AKAP13: variants seen among roughly 807,000 people sequenced by gnomAD.
The protein encoded by AKAP13 is A-kinase anchor protein 13.
AKAP13 carries 80 observed loss-of-function variants against 264.5 expected under a neutral mutation model. The ratio of observed to expected loss-of-function variants is 0.30; its 90% CI spans 0.25 to 0.36. AKAP13 has a LOEUF of 0.36. Ranked by LOEUF, AKAP13 falls within the 10% of genes least tolerant of loss-of-function variation. The pLI is 1.00. For missense variants in AKAP13, 3,712 were observed against 3,435.2 expected, an observed-to-expected ratio of 1.08 and a Z score of -2.01; for synonymous variants, 1,380 against 1,250.2, an observed-to-expected ratio of 1.10 and a Z score of -2.19.
At chr15:85,495,211 G>A (rs961255359) in intron 2 of AKAP13, among the ~76,000 whole-genome samples, 2 of 152,130 alleles carry the variant, frequency 1.3e-5, no homozygotes, top group Non-Finnish European at 2.9e-5. Context: ...GAACAGTAAG[G>A]CTTTCTCTTG....
intron 1 of AKAP13, among the ~76,000 whole-genome samples, chr15:85,450,885 G>A (rs374756939): frequency 3.7e-4 from 56 of 152,142 alleles, no homozygotes; most frequent in Non-Finnish European, 7.1e-4. Context: ...TTGGTTCAAC[G>A]CTAAGTTTAG....
intron 10 of AKAP13, among the ~76,000 whole-genome samples, chr15:85,650,790 A>C (rs904512726): frequency 6.8e-5 from 8 of 117,422 alleles, no homozygotes; most frequent in Non-Finnish European, 1.1e-4. Flanking sequence ...AAAAAAAAAA[A>C]CAACAAAAAC....
chr15:85,728,933 T>A (rs1361065916), intron 29 of AKAP13, among the ~76,000 whole-genome samples: 3 of 152,118 alleles, frequency 2.0e-5, no homozygotes, highest in Admixed American at 2.0e-4. Flanking sequence ...CAAAGACCAT[T>A]TGGAAGACTG....
At position 85,698,484 on chromosome 15, in the gene AKAP13, GA is replaced by G. The variant is rs1319420607; in HGVS notation, c.5464+5034del. Among the ~76,000 whole-genome samples the G allele has an allele frequency of 3.7e-5, 5 of 135,832 alleles. No individual in the cohort carries two copies. In the East Asian group the frequency reaches 8.0e-4, roughly 22 times the overall value. The allele number at this position is 135,832 out of a possible 152,430, so 89.1% of individuals were successfully genotyped here. A position where few individuals can be genotyped will look rare whatever the true frequency, so the allele number is the denominator to read the frequency against. ...TGTCTCCAAAAAAAAAAAAAAAAAG[GA>G]GAGAGAGAATATAGGACAGATCAGA... On this transcript the variant is annotated intron_variant, in intron 17 of 36. Coordinates refer to ENST00000394518, the MANE Select transcript of AKAP13 (RefSeq NM_007200.5).
rs146204750 is a variant in AKAP13 at position 85,669,095 on chromosome 15, G to A, written c.4993-627G>A. ...TACTAAAAATACAAAATTTAGCTGC[G>A]CGTGGTGGCGCGCACCTGTAATCCC... On this transcript the variant is annotated intron_variant, in intron 13 of 36. Transcript: ENST00000394518. Among the ~76,000 whole-genome samples, 1,032 of 152,168 alleles carry A rather than the reference G, an allele frequency of 6.8e-3. 10 individuals are homozygous for A. Among genetic ancestry groups the A allele is most frequent in the African/African-American group, 0.021 (889 of 41,484 alleles).
At chr15:85,558,095 A>G (rs1414226920) in intron 5 of AKAP13, among the ~76,000 whole-genome samples, 1 of 152,134 alleles carries the variant, frequency 6.6e-6, no homozygotes, top group Non-Finnish European at 1.5e-5. Flanking sequence ...CATTTTTAGA[A>G]TCTTTGCTTC....
At chr15:85,573,869 A>G (rs1371135527) in intron 5 of AKAP13, among the ~76,000 whole-genome samples, 2 of 152,244 alleles carry the variant, frequency 1.3e-5, no homozygotes, top group Non-Finnish European at 2.9e-5. Context: ...GAAAGAGTAG[A>G]AGGAGGAAGA....
At chr15:85,534,177 C>T (rs1014724187) in intron 4 of AKAP13, 9 of 402,834 alleles carry the variant, frequency 2.2e-5, no homozygotes, top group East Asian at 3.6e-5. Flanking sequence ...GTGACATGCT[C>T]TTCATGAGGA....
intron 1 of AKAP13, among the ~76,000 whole-genome samples, chr15:85,465,397 A>G (rs1346850451): frequency 1.3e-5 from 2 of 151,710 alleles, no homozygotes; most frequent in Non-Finnish European, 2.9e-5. Flanking sequence ...CATGTGCACA[A>G]TGTGCAGGTT....
At chr15:85,681,944 C>T (rs1276353044) in intron 14 of AKAP13, among the ~76,000 whole-genome samples, 1 of 152,094 alleles carries the variant, frequency 6.6e-6, no homozygotes, top group Non-Finnish European at 1.5e-5. Flanking sequence ...AACTTATTTT[C>T]TTCATGAGAA....
chr15:85,609,453 A>G (rs1267969483), intron 8 of AKAP13, among the ~76,000 whole-genome samples: 1 of 152,094 alleles, frequency 6.6e-6, no homozygotes, highest in Non-Finnish European at 1.5e-5. Context: ...GGATTTCATT[A>G]TTTTTTACAG....
intron 10 of AKAP13, 82 bp from the exon 11 acceptor site, chr15:85,655,335 G>C (rs2083049557): frequency 6.6e-7 from 1 of 1,512,570 alleles, no homozygotes; most frequent in African/African-American, 1.4e-5. Flanking sequence ...CCACTGAGAA[G>C]CCATTGGCTT....
At chr15:85,655,220 A>G (rs924302020) in intron 10 of AKAP13, among the ~76,000 whole-genome samples, 197 bp from the exon 11 acceptor site, 1 of 152,144 alleles carries the variant, frequency 6.6e-6, no homozygotes, top group African/African-American at 2.4e-5. Context: ...GGATAGATCT[A>G]GACTGTTTCT....
chr15:85,478,313 C>T (rs2075242848), intron 1 of AKAP13, among the ~76,000 whole-genome samples: 1 of 151,650 alleles, frequency 6.6e-6, no homozygotes, highest in Non-Finnish European at 1.5e-5. Flanking sequence ...ATAACCTAAA[C>T]ACGGAAAAGA....
chr15:85,668,066 C>G (rs564488722), intron 13 of AKAP13, among the ~76,000 whole-genome samples: 79 of 152,276 alleles, frequency 5.2e-4, no homozygotes, highest in Non-Finnish European at 7.6e-4. Flanking sequence ...GGCATTTGAG[C>G]TGCTTGTTTC....
intron 20 of AKAP13, among the ~76,000 whole-genome samples, chr15:85,716,539 G>T (rs1468177931): frequency 2.0e-5 from 3 of 152,112 alleles, no homozygotes; most frequent in Non-Finnish European, 2.9e-5. Context: ...CTTCCCGTCG[G>T]GTGAATAAGC....
chr15:85,523,669 G>C (rs1490685221), intron 3 of AKAP13, among the ~76,000 whole-genome samples: 1 of 152,056 alleles, frequency 6.6e-6, no homozygotes, highest in Non-Finnish European at 1.5e-5. Context: ...ACTGGTATCT[G>C]CTAAGAAGGC....
chr15:85,646,903 C>G (rs578239152), intron 10 of AKAP13, among the ~76,000 whole-genome samples: 2 of 152,312 alleles, frequency 1.3e-5, no homozygotes, highest in Admixed American at 1.3e-4. Flanking sequence ...AGAGGGCTTT[C>G]CCCACAGCAG....
intron 1 of AKAP13, among the ~76,000 whole-genome samples, chr15:85,395,972 AAATAT>A (rs2071088633): frequency 6.6e-6 from 1 of 152,070 alleles, no homozygotes; most frequent in South Asian, 2.1e-4. Context: ...GCTTCTCAAG[AAATAT>A]ATGGGTTGAT....
Sources: allele counts gnomAD v4.1 joint callset (sites outside exome capture counted in the v4.1 genomes callset), GRCh38; gene constraint gnomAD v4.1.1; transcripts MANE v1.5; gene names NCBI Gene and HGNC (gene_info 2026-07-23, HGNC 2026-07-21).